MRRF: variants seen among roughly 807,000 people sequenced by gnomAD.
MRRF encodes the protein mitochondrial ribosome recycling factor.
In MRRF, 18 loss-of-function variants were observed where a neutral mutation model predicts 25.1. That is an observed-to-expected ratio of 0.72 (90% CI 0.50 to 1.06). The LOEUF is 1.06. MRRF is among the 50% of genes least tolerant of loss of function. The pLI is 0.00. For missense variants in MRRF, 323 were observed against 319.3 expected, an observed-to-expected ratio of 1.01 and a Z score of -0.09; for synonymous variants, 113 against 112.1, an observed-to-expected ratio of 1.01 and a Z score of -0.05.
At chr9:122,281,987 G>A (rs1417115454) in intron 3 of MRRF, among the ~76,000 whole-genome samples, 1 of 152,182 alleles carries the variant, frequency 6.6e-6, no homozygotes, top group Non-Finnish European at 1.5e-5. Context: ...CTGTGGCAAA[G>A]GATCTCATGG....
intron 6 of MRRF, among the ~76,000 whole-genome samples, chr9:122,315,426 A>G (rs1473599240): frequency 7.2e-5 from 11 of 152,330 alleles, no homozygotes; most frequent in Non-Finnish European, 1.3e-4. Flanking sequence ...TTGATGTCCT[A>G]TGACCTTGGG....
In MRRF at chr9:122,291,741, G is replaced by T. The variant is rs1833784693; in HGVS notation, c.460-8G>T. 1 of 1,602,226 alleles carries T rather than the reference G, an allele frequency of 6.2e-7. No individual in the cohort carries two copies. The highest frequency in any genetic ancestry group is 1.3e-5 in the African/African-American group (1 of 74,636). On this transcript the variant is annotated splice_polypyrimidine_tract_variant and splice_region_variant and intron_variant, in intron 4 of 6. Coordinates refer to ENST00000344641, the MANE Select transcript of MRRF (RefSeq NM_138777.5). ...CTAATTCTGTTTACCTTTTGATCTG[G>T]TTTTCAGTGTACAGCTGCAGCTATC... is the stretch of plus-strand genomic sequence containing the variant.
chr9:122,274,100 A>G (rs1220009941), intron 2 of MRRF, among the ~76,000 whole-genome samples: 3 of 152,088 alleles, frequency 2.0e-5, no homozygotes, highest in Admixed American at 6.5e-5. Context: ...TGGATTGGCT[A>G]GGAACTCTAG....
intron 4 of MRRF, among the ~76,000 whole-genome samples, chr9:122,291,192 A>G (rs1268522860): frequency 6.6e-6 from 1 of 152,222 alleles, no homozygotes; most frequent in East Asian, 1.9e-4. Context: ...TCTGACTCCA[A>G]AGCCCATGCT....
chr9:122,267,616 T>C (rs1286455566), intron 1 of MRRF, among the ~76,000 whole-genome samples: 1 of 152,156 alleles, frequency 6.6e-6, no homozygotes, highest in Non-Finnish European at 1.5e-5. Context: ...ATGCTGAGTG[T>C]TCTATATGCA....
intron 1 of MRRF, among the ~76,000 whole-genome samples, chr9:122,269,477 C>A (rs1367733283): frequency 6.6e-6 from 1 of 152,126 alleles, no homozygotes; most frequent in South Asian, 2.1e-4. Context: ...GTAATCCTAG[C>A]ACTTTGGGAG....
intron 5 of MRRF, 111 bp from the exon 6 acceptor site, chr9:122,313,116 A>G: frequency 8.8e-7 from 1 of 1,135,298 alleles, no homozygotes; most frequent in South Asian, 1.3e-5. Flanking sequence ...AGTTCAGCCC[A>G]CAGAGAGGAA....
At position 122,321,458 on chromosome 9, in the gene MRRF, T is replaced by C. The variant is rs1163052355; in HGVS notation, c.712-1082T>C. Among the ~76,000 whole-genome samples, 4 of 152,234 alleles carry C rather than the reference T, an allele frequency of 2.6e-5. No homozygotes were observed. The East Asian group carries it at 7.7e-4, about 29-fold the overall frequency. ...ATTAAATATAAAGCTGGGATAAATA[T>C]CTTCGTGTATAGAACTTCAGAAAAT... On this transcript the variant is annotated intron_variant, in intron 6 of 6. Transcript: ENST00000344641.
chr9:122,328,319 A>G lies in MRRF; in HGVS notation c.*5702A>G, dbSNP rs1324572507. On this transcript the variant is annotated 3_prime_UTR_variant, in exon 7 of 7. Coordinates refer to ENST00000344641, the MANE Select transcript of MRRF (RefSeq NM_138777.5). ...GTTCAGTAGCATTTAGTACATTTACATTGTTGTACAACCATCCTCCAGAAC... is the reference window on the plus strand; with the variant it reads ...GTTCAGTAGCATTTAGTACATTTACGTTGTTGTACAACCATCCTCCAGAAC... 1 of 152,176 alleles carries G rather than the reference A, an allele frequency of 6.6e-6. No individual in the cohort carries two copies. Among genetic ancestry groups the G allele is most frequent in the Non-Finnish European group, 1.5e-5 (1 of 68,046 alleles). 9.4% of individuals were successfully genotyped at this position (152,176 alleles called of 1,614,324 possible).
chr9:122,322,837 G>C lies in MRRF; in HGVS notation c.*220G>C. On this transcript the variant is annotated 3_prime_UTR_variant, in exon 7 of 7. Coordinates refer to ENST00000344641, the MANE Select transcript of MRRF (RefSeq NM_138777.5). ...GGTGGGTGGCTCTCAGAAAATACTT[G>C]CTGCTGGCAAAAGGCCTGTACTCAG... 1.6e-6 allele frequency: 1 copy of C among 617,428 alleles called. No individual in the cohort carries two copies. Among genetic ancestry groups the C allele is most frequent in the Admixed American group, 2.5e-5 (1 of 39,446 alleles). 38.2% of individuals were successfully genotyped at this position (617,428 alleles called of 1,614,324 possible).
chr9:122,292,916 C>T (rs752788050), intron 5 of MRRF, among the ~76,000 whole-genome samples: 1 of 152,156 alleles, frequency 6.6e-6, no homozygotes, highest in Non-Finnish European at 1.5e-5. Flanking sequence ...TGAATTAACT[C>T]GTTCAGTCTT....
chr9:122,277,182 A>G (rs1832829280), intron 2 of MRRF, among the ~76,000 whole-genome samples: 1 of 152,136 alleles, frequency 6.6e-6, no homozygotes, highest in Non-Finnish European at 1.5e-5. Flanking sequence ...TAATTGTATT[A>G]ATTTTGAGGC....
chr9:122,305,524 A>T (rs61297979), intron 5 of MRRF, among the ~76,000 whole-genome samples: 1,972 of 152,146 alleles, frequency 0.013, 34 homozygotes, highest in African/African-American at 0.044. Flanking sequence ...TAGGAATGTT[A>T]TGAAGATTTA....
chr9:122,295,700 C>T (rs967402140), intron 5 of MRRF, among the ~76,000 whole-genome samples: 1 of 152,156 alleles, frequency 6.6e-6, no homozygotes, highest in Non-Finnish European at 1.5e-5. Flanking sequence ...CCCACTTCGG[C>T]CACCCAAAGT....
chr9:122,265,938 GAGA>G (rs1832052733), intron 1 of MRRF, among the ~76,000 whole-genome samples: 1 of 152,220 alleles, frequency 6.6e-6, no homozygotes, highest in Admixed American at 6.5e-5. Context: ...ACTGCATTTA[GAGA>G]AGAACATCAT....
intron 3 of MRRF, among the ~76,000 whole-genome samples, chr9:122,284,302 T>C (rs1833253402): frequency 6.6e-6 from 1 of 152,070 alleles, no homozygotes; most frequent in South Asian, 2.1e-4. Flanking sequence ...GTTTGGGTCT[T>C]GGCTCTTGTT....
chr9:122,321,880 CTA>C (rs1835912254), intron 6 of MRRF, among the ~76,000 whole-genome samples: 1 of 152,006 alleles, frequency 6.6e-6, no homozygotes, highest in African/African-American at 2.4e-5. Flanking sequence ...ACTAGCTTCT[CTA>C]TATTGTAGAA....
chr9:122,265,839 T>A (rs1007617073), intron 1 of MRRF: 26 of 1,006,766 alleles, frequency 2.6e-5, no homozygotes, highest in Non-Finnish European at 6.8e-6. Context: ...TCTCTACCTG[T>A]TAAAGTGTCT....
chr9:122,280,571 A>G lies in MRRF; in HGVS notation c.313A>G (p.Lys105Glu), dbSNP rs776955782. 1.5e-5 allele frequency: 25 copies of G among 1,613,922 alleles called. No homozygotes were observed. Among genetic ancestry groups the G allele is most frequent in the Non-Finnish European group, 2.0e-5 (24 of 1,179,908 alleles). The change falls in exon 3 of 7, where the codon AAG (lysine) becomes GAG (glutamate). Residue 105 changes from lysine (K) to glutamate (E), a missense_variant. Transcript: ENST00000344641. ...AGAAGCTCTCAAGGATAATTTCAAT[A>G]AGACTCTCAATATAAGGACCTCACC... ...VIEALKDNFN[K>E]TLNIRTSPGS... is the part of the protein sequence containing the mutation.
Sources: allele counts gnomAD v4.1 joint callset (sites outside exome capture counted in the v4.1 genomes callset), GRCh38; gene constraint gnomAD v4.1.1; transcripts MANE v1.5; gene names NCBI Gene and HGNC (gene_info 2026-07-23, HGNC 2026-07-21).